The following SYNDIG1 variants were observed in gnomAD, a reference collection of about 807,000 sequenced individuals.
The protein encoded by SYNDIG1 is synapse differentiation inducing 1.
SYNDIG1 carries 9 observed loss-of-function variants against 19.4 expected under a neutral mutation model. The observed-to-expected ratio is 0.46, with a 90% CI of 0.28 to 0.81. The LOEUF (loss-of-function observed/expected upper bound fraction) is 0.81. SYNDIG1 is among the 30% of genes least tolerant of loss of function. The pLI, the probability that SYNDIG1 is intolerant of heterozygous loss-of-function variation, is 0.12. For missense variants in SYNDIG1, 311 were observed against 343.3 expected (o/e 0.91, Z 0.74); for synonymous variants, 141 against 145.9 (o/e 0.97, Z 0.24).
intron 1 of SYNDIG1, among the ~76,000 whole-genome samples, chr20:24,488,025 C>T (rs961834431): frequency 4.6e-5 from 7 of 152,220 alleles, no homozygotes; most frequent in Non-Finnish European, 1.0e-4. Flanking sequence ...AGCGCAGCTT[C>T]ACCTGTCAAC....
chr20:24,533,629 T>TG (rs996666838), intron 1 of SYNDIG1, among the ~76,000 whole-genome samples: 1 of 151,796 alleles, frequency 6.6e-6, no homozygotes, highest in Non-Finnish European at 1.5e-5. Context: ...AGTTGATCTC[T>TG]GGGGGGCGCT....
chr20:24,533,863 G>C (rs1163636463), intron 1 of SYNDIG1, among the ~76,000 whole-genome samples: 4 of 152,178 alleles, frequency 2.6e-5, no homozygotes, highest in African/African-American at 9.7e-5. Flanking sequence ...CCCTGTGTTA[G>C]TCCATTTTGC....
chr20:24,605,672 T>C (rs1280738277), intron 3 of SYNDIG1, among the ~76,000 whole-genome samples: 2 of 152,242 alleles, frequency 1.3e-5, no homozygotes, highest in Non-Finnish European at 2.9e-5. Context: ...TCTGCTTTGC[T>C]CCTTGCAGTG....
intron 2 of SYNDIG1, among the ~76,000 whole-genome samples, chr20:24,565,884 T>G (rs1377671832): frequency 6.6e-6 from 1 of 152,200 alleles, no homozygotes; most frequent in Non-Finnish European, 1.5e-5. Context: ...TGCCCTTCAC[T>G]TGGCTGGCTT....
rs577439253 is a variant in SYNDIG1, at chr20:24,501,365, A to T, written c.-79+31612A>T. On this transcript the variant is annotated intron_variant, in intron 1 of 3. Coordinates refer to ENST00000376862, the MANE Select transcript of SYNDIG1 (RefSeq NM_024893.3). Reference sequence around the variant, plus strand: ...AGCCCCGGATGACAGCGAAGATAGCACGTGTGAGGTGCTCTGAGCAGCAGG... The same window carrying T: ...AGCCCCGGATGACAGCGAAGATAGCTCGTGTGAGGTGCTCTGAGCAGCAGG... 5.3e-5 allele frequency among the ~76,000 whole-genome samples: 8 copies of T among 152,300 alleles called. No homozygotes were observed. In the South Asian group the frequency reaches 1.5e-3, roughly 28 times the overall value.
At chr20:24,541,978 T>C (rs889036285) in intron 1 of SYNDIG1, among the ~76,000 whole-genome samples, 1 of 152,050 alleles carries the variant, frequency 6.6e-6, no homozygotes, top group African/African-American at 2.4e-5. Context: ...TCTGAGCAGG[T>C]AGGAGTGGGT....
At chr20:24,554,964 T>A (rs2057783238) in intron 2 of SYNDIG1, among the ~76,000 whole-genome samples, 1 of 152,118 alleles carries the variant, frequency 6.6e-6, no homozygotes, top group Non-Finnish European at 1.5e-5. Context: ...AGCTATTGAT[T>A]ATTGCCACAA....
intron 1 of SYNDIG1, among the ~76,000 whole-genome samples, chr20:24,481,217 A>G (rs533531336): frequency 8.5e-5 from 13 of 152,350 alleles, no homozygotes; most frequent in African/African-American, 3.1e-4. Flanking sequence ...CTACTGTTGC[A>G]TAACAGACTG....
chr20:24,509,512 T>C (rs924778590), intron 1 of SYNDIG1, among the ~76,000 whole-genome samples: 6 of 152,238 alleles, frequency 3.9e-5, no homozygotes, highest in African/African-American at 1.4e-4. Flanking sequence ...TGTGGTTAGT[T>C]TTGCTGTTGT....
intron 2 of SYNDIG1, among the ~76,000 whole-genome samples, chr20:24,548,996 G>C (rs1265243923): frequency 6.6e-6 from 1 of 152,084 alleles, no homozygotes. Flanking sequence ...TTTGATACAT[G>C]TAACATATGG....
intron 3 of SYNDIG1, among the ~76,000 whole-genome samples, chr20:24,654,650 G>GGAAGGAAGGAAGGA (rs2059505234): frequency 7.7e-5 from 9 of 117,456 alleles, no homozygotes; most frequent in South Asian, 3.5e-4. Flanking sequence ...GGGAGGGAGG[G>GGAAGGAAGGAAGGA]AGGAAGGAAG....
At chr20:24,519,823 G>C (rs112035105) in intron 1 of SYNDIG1, among the ~76,000 whole-genome samples, 9 of 150,526 alleles carry the variant, frequency 6.0e-5, no homozygotes. Flanking sequence ...ACAGACACAC[G>C]CACGCACGCG....
At chr20:24,475,485 A>T (rs1187579630) in intron 1 of SYNDIG1, among the ~76,000 whole-genome samples, 3 of 152,244 alleles carry the variant, frequency 2.0e-5, no homozygotes, top group Non-Finnish European at 2.9e-5. Context: ...CCATGGGATA[A>T]TGGCACAGGA....
At chr20:24,553,265 G>A (rs894568616) in intron 2 of SYNDIG1, among the ~76,000 whole-genome samples, 27 of 152,184 alleles carry the variant, frequency 1.8e-4, no homozygotes, top group South Asian at 2.1e-4. Context: ...TAGGTTGCCT[G>A]TTCACTCTGA....
chr20:24,598,507 C>G (rs958838271), intron 3 of SYNDIG1, among the ~76,000 whole-genome samples: 4 of 152,142 alleles, frequency 2.6e-5, no homozygotes, highest in Admixed American at 6.5e-5. Flanking sequence ...AAGTCAGCAC[C>G]CAGCAAGGTT....
rs1051988148 is a variant in SYNDIG1 at position 24,659,069 on chromosome 20, A to G, written c.619-6277A>G. 2.0e-5 allele frequency among the ~76,000 whole-genome samples: 3 copies of G among 151,896 alleles called. No individual in the cohort carries two copies. In the East Asian group the frequency reaches 5.8e-4, roughly 30 times the overall value. On this transcript the variant is annotated intron_variant, in intron 3 of 3. Transcript: ENST00000376862. ...TCCTGGGTTACCCAGGGAGCTGCCAATCCCTCCCGTTCTGTACTGCTGAGC... is the reference window on the plus strand; with the variant it reads ...TCCTGGGTTACCCAGGGAGCTGCCAGTCCCTCCCGTTCTGTACTGCTGAGC...
intron 3 of SYNDIG1, among the ~76,000 whole-genome samples, chr20:24,618,355 G>T (rs562440814): frequency 1.3e-5 from 2 of 150,794 alleles, no homozygotes; most frequent in South Asian, 4.2e-4. Flanking sequence ...ATCCCGGGGA[G>T]GGGGGAGAGC....
At chr20:24,619,793 C>G (rs1486942979) in intron 3 of SYNDIG1, among the ~76,000 whole-genome samples, 1 of 152,152 alleles carries the variant, frequency 6.6e-6, no homozygotes, top group Admixed American at 6.5e-5. Context: ...TATCCCAGAC[C>G]CCATGTGGCA....
chr20:24,568,453 G>A (rs2058090147), intron 2 of SYNDIG1, among the ~76,000 whole-genome samples: 1 of 152,106 alleles, frequency 6.6e-6, no homozygotes, highest in East Asian at 1.9e-4. Context: ...GGTGACCTCG[G>A]GAGGCGTCTG....
Sources: gnomAD v4.1 joint callset for allele counts (sites outside exome capture counted in the v4.1 genomes callset) on GRCh38, gnomAD v4.1.1 for gene constraint, MANE v1.5 for transcripts, NCBI Gene and HGNC (gene_info 2026-07-23, HGNC 2026-07-21) for gene names.